Variants in LNPEP observed in about 807,000 individuals in gnomAD.
LNPEP encodes leucyl-cystinyl aminopeptidase.
A neutral mutation model predicts 120.6 loss-of-function variants in LNPEP; 64 were observed. That is an observed-to-expected ratio of 0.53 (90% confidence interval 0.43 to 0.65). The LOEUF is 0.65. Ranked by LOEUF, LNPEP falls within the 30% of genes least tolerant of loss-of-function variation. The pLI is 0.00. For missense variants in LNPEP, 1,057 were observed against 1,200.0 expected, an observed-to-expected ratio of 0.88 and a Z score of 1.76; for synonymous variants, 435 against 425.4, an observed-to-expected ratio of 1.02 and a Z score of -0.28.
At chr5:96,991,483 T>G (rs1227483370) in intron 4 of LNPEP, among the ~76,000 whole-genome samples, 1 of 152,186 alleles carries the variant, frequency 6.6e-6, no homozygotes, top group African/African-American at 2.4e-5. Flanking sequence ...TTTCTGATTT[T>G]TTTTGGTTAT....
Position 97,029,904 on chromosome 5 carries a change from C to A in LNPEP, c.*1371C>A, listed in dbSNP as rs1791436231. 1 of 151,978 alleles carries A rather than the reference C, an allele frequency of 6.6e-6. No individual in the cohort carries two copies. The highest frequency in any genetic ancestry group is 2.1e-4 in the South Asian group (1 of 4,826). The allele number at this position is 151,978 out of a possible 1,614,324, so 9.4% of individuals were successfully genotyped here. ...GACTTATACCTAGATTGTTGTGTTT[C>A]TTTGATTCTTAGGAGAAAAGCTTTC... On this transcript the variant is annotated 3_prime_UTR_variant, in exon 18 of 18. Coordinates refer to ENST00000231368, the MANE Select transcript of LNPEP (RefSeq NM_005575.3).
intron 1 of LNPEP, among the ~76,000 whole-genome samples, chr5:96,970,200 T>C (rs1052883295): frequency 6.6e-6 from 1 of 152,062 alleles, no homozygotes; most frequent in African/African-American, 2.4e-5. Flanking sequence ...TAGTTAATAG[T>C]ATTGTTCCGA....
At chr5:97,022,121 G>T (rs368588777) in intron 13 of LNPEP, among the ~76,000 whole-genome samples, 179 bp from the exon 14 acceptor site, 1 of 151,230 alleles carries the variant, frequency 6.6e-6, no homozygotes, top group Non-Finnish European at 1.5e-5. Flanking sequence ...TACAGATGTC[G>T]TTTCACCGTG....
chr5:96,948,666 T>C (rs1789250017), intron 1 of LNPEP, among the ~76,000 whole-genome samples: 1 of 152,226 alleles, frequency 6.6e-6, no homozygotes, highest in Admixed American at 6.5e-5. Flanking sequence ...TACATTCTTG[T>C]GGAATTGTTT....
chr5:96,950,804 A>C (rs115837317), intron 1 of LNPEP, among the ~76,000 whole-genome samples: 301 of 152,324 alleles, frequency 2.0e-3, no homozygotes, highest in Admixed American at 3.3e-3. Context: ...TACTATGAAT[A>C]CGTTGATTCA....
intron 1 of LNPEP, chr5:96,937,252 A>T (rs1189752338): frequency 2.6e-5 from 4 of 152,228 alleles, no homozygotes; most frequent in South Asian, 2.1e-4. Context: ...TGTCCACTTT[A>T]TCCCAAATCC....
chr5:96,975,268 C>T (rs921013930), intron 1 of LNPEP, among the ~76,000 whole-genome samples: 4 of 152,078 alleles, frequency 2.6e-5, no homozygotes, highest in African/African-American at 9.7e-5. Context: ...ATCTCATAAT[C>T]CTGTTCTCCT....
Position 97,014,008 on chromosome 5 carries a change from G to A in LNPEP, c.2219+177G>A, listed in dbSNP as rs142459353. Among the ~76,000 whole-genome samples the A allele has an allele frequency of 3.1e-3, 465 of 152,178 alleles. 8 individuals carry two copies. Among genetic ancestry groups the A allele is most frequent in the Admixed American group, 0.027 (411 of 15,266 alleles). The stretch of plus-strand genomic sequence containing the variant: ...AGGGACTTTATAAAACATTAGCTAC[G>A]AACATACTGAACAGTTAAATGAAAC... On this transcript the variant is annotated intron_variant, in intron 12 of 17. Coordinates refer to ENST00000231368, the MANE Select transcript of LNPEP (RefSeq NM_005575.3).
At chr5:96,968,364 G>A (rs920730269) in intron 1 of LNPEP, among the ~76,000 whole-genome samples, 1 of 152,008 alleles carries the variant, frequency 6.6e-6, no homozygotes, top group Admixed American at 6.6e-5. Context: ...CAAGTTGGCA[G>A]GATTACTTTT....
chr5:97,012,446 A>G (rs1790958718), intron 11 of LNPEP, among the ~76,000 whole-genome samples: 1 of 152,172 alleles, frequency 6.6e-6, no homozygotes, highest in Non-Finnish European at 1.5e-5. Flanking sequence ...ACCTTTGTCT[A>G]CACTTGATTT....
intron 13 of LNPEP, among the ~76,000 whole-genome samples, chr5:97,017,251 G>A (rs1332689108): frequency 6.6e-6 from 1 of 151,928 alleles, no homozygotes; most frequent in African/African-American, 2.4e-5. Context: ...TTTTCTTTTT[G>A]ATATATGTAT....
At chr5:97,025,960 T>G (rs753520878) in intron 15 of LNPEP, among the ~76,000 whole-genome samples, 1 of 152,190 alleles carries the variant, frequency 6.6e-6, no homozygotes, top group Non-Finnish European at 1.5e-5. Flanking sequence ...GGGGCGTGGT[T>G]TCTCACTATA....
At chr5:96,964,984 G>A (rs1789693342) in intron 1 of LNPEP, among the ~76,000 whole-genome samples, 1 of 152,074 alleles carries the variant, frequency 6.6e-6, no homozygotes, top group South Asian at 2.1e-4. Flanking sequence ...TTTTAGAATT[G>A]ATGTGACATT....
chr5:96,982,516 C>T (rs1361353849), intron 2 of LNPEP, among the ~76,000 whole-genome samples: 3 of 152,100 alleles, frequency 2.0e-5, no homozygotes, highest in Middle Eastern at 3.2e-3. Context: ...GCTTTTTCGC[C>T]TTAGTGTGTT....
chr5:96,974,065 C>T (rs1019899912), intron 1 of LNPEP, among the ~76,000 whole-genome samples: 4 of 152,140 alleles, frequency 2.6e-5, no homozygotes, highest in Non-Finnish European at 5.9e-5. Context: ...ATACACATAA[C>T]ACTTCTCTTC....
intron 13 of LNPEP, among the ~76,000 whole-genome samples, chr5:97,021,342 A>G (rs1370720749): frequency 4.6e-5 from 7 of 152,316 alleles, no homozygotes; most frequent in South Asian, 4.1e-4. Flanking sequence ...GTGTTGTACT[A>G]TCTTTTTTTG....
chr5:97,022,012 A>G (rs1311254579), intron 13 of LNPEP, among the ~76,000 whole-genome samples: 1 of 137,662 alleles, frequency 7.3e-6, no homozygotes, highest in Admixed American at 8.1e-5. Context: ...GCTCACTGCA[A>G]CCTCCACCTC....
At chr5:96,994,718 G>T (rs969966529) in intron 6 of LNPEP, among the ~76,000 whole-genome samples, 2 of 152,098 alleles carry the variant, frequency 1.3e-5, no homozygotes, top group Non-Finnish European at 2.9e-5. Flanking sequence ...GATGTATTCT[G>T]GTCAGCTTAT....
chr5:97,037,457 A>G lies in LNPEP; in HGVS notation c.*8924A>G, dbSNP rs1020138552. 4.6e-5 allele frequency: 7 copies of G among 152,184 alleles called. No homozygotes were observed. Among genetic ancestry groups the G allele is most frequent in the African/African-American group, 1.7e-4 (7 of 41,458 alleles). The allele number at this position is 152,184 out of a possible 1,614,324, so 9.4% of individuals were successfully genotyped here. A position where few individuals can be genotyped will look rare whatever the true frequency, so the allele number is the denominator to read the frequency against. On this transcript the variant is annotated 3_prime_UTR_variant, in exon 18 of 18. Coordinates refer to ENST00000231368, the MANE Select transcript of LNPEP (RefSeq NM_005575.3). The stretch of plus-strand genomic sequence containing the variant: ...CCAGCACTGACTGAAAGGCATGTGT[A>G]GCTGCAAACACTGTTGCTTTTTTTG...
Sources: allele counts gnomAD v4.1 joint callset (sites outside exome capture counted in the v4.1 genomes callset), GRCh38; gene constraint gnomAD v4.1.1; transcripts MANE v1.5; gene names NCBI Gene and HGNC (gene_info 2026-07-23, HGNC 2026-07-21).